DGCR2: variants seen among roughly 807,000 people sequenced by gnomAD.
The protein encoded by DGCR2 is DiGeorge syndrome critical region gene 2, also known as integral membrane protein DGCR2/IDD.
Under a neutral mutation model 51.6 loss-of-function variants are expected in DGCR2, and 24 were observed. That is an observed-to-expected ratio of 0.47 (90% confidence interval 0.34 to 0.65). DGCR2 has a LOEUF of 0.65. Ranked by LOEUF, DGCR2 falls within the 30% of genes least tolerant of loss-of-function variation. DGCR2 has a pLI of 0.01. For missense variants in DGCR2, 765 were observed against 772.1 expected (o/e 0.99, Z 0.11); for synonymous variants, 340 against 315.4 (o/e 1.08, Z -0.82).
intron 5 of DGCR2, among the ~76,000 whole-genome samples, chr22:19,062,779 A>ACTCCCTCTCTCTCTCTCTCTCTCTCTCT (rs2082688729): frequency 7.9e-6 from 1 of 127,354 alleles, no homozygotes. Flanking sequence ...ATGCATGCTC[A>ACTCCCTCTCTCTCTCTCTCTCTCTCTCT]CTCTCTCTCT....
chr22:19,111,192 G>A (rs897326612), intron 1 of DGCR2, among the ~76,000 whole-genome samples: 6 of 152,216 alleles, frequency 3.9e-5, no homozygotes, highest in Non-Finnish European at 7.3e-5. Context: ...CAATCACTGT[G>A]TGGTGAGATC....
chr22:19,090,879 T>A (rs112289709), intron 1 of DGCR2, among the ~76,000 whole-genome samples: 2,932 of 152,080 alleles, frequency 0.019, 85 homozygotes, highest in African/African-American at 0.067. Flanking sequence ...TAATTAAACT[T>A]GCCTAATCAA....
intron 1 of DGCR2, among the ~76,000 whole-genome samples, chr22:19,097,350 T>TC (rs2083153344): frequency 1.3e-5 from 2 of 151,966 alleles, no homozygotes; most frequent in Admixed American, 6.6e-5. Flanking sequence ...GGTCAGGAGT[T>TC]CAAGACCAGC....
chr22:19,065,315 T>C (rs2082736362), intron 3 of DGCR2: 10 of 512,732 alleles, frequency 2.0e-5, no homozygotes, highest in Non-Finnish European at 3.2e-5. Flanking sequence ...TTTTAATTTA[T>C]TCACTAGTCA....
chr22:19,079,172 C>A (rs1160102195), intron 2 of DGCR2, among the ~76,000 whole-genome samples: 1 of 152,090 alleles, frequency 6.6e-6, no homozygotes, highest in Non-Finnish European at 1.5e-5. Flanking sequence ...CTTGAACTCC[C>A]AAAGCACTGA....
intron 2 of DGCR2, among the ~76,000 whole-genome samples, chr22:19,083,930 C>T (rs1473261253): frequency 1.3e-5 from 2 of 152,180 alleles, no homozygotes; most frequent in Admixed American, 1.3e-4. Flanking sequence ...CTGTGTTGGC[C>T]GGGCTAGTCT....
At chr22:19,108,770 C>T (rs2083285430) in intron 1 of DGCR2, among the ~76,000 whole-genome samples, 1 of 151,532 alleles carries the variant, frequency 6.6e-6, no homozygotes, top group Admixed American at 6.6e-5. Context: ...GAAAATGAAC[C>T]TCACACTTTG....
At position 19,084,489 on chromosome 22, in the gene DGCR2, G is replaced by A. The variant is rs1177421154; in HGVS notation, c.202+4879C>T. ...TGAGGGGCCCCTTTGCCCGGGAGCC[G>A]CCCCGTCTGAGAAGTGAGGAGCCCC... On this transcript the variant is annotated intron_variant, in intron 2 of 9. Transcript: ENST00000263196. 1.0e-4 allele frequency among the ~76,000 whole-genome samples: 14 copies of A among 140,322 alleles called. No individual in the cohort carries two copies. In the South Asian group the frequency reaches 2.5e-3, roughly 25 times the overall value. The allele number at this position is 140,322 out of a possible 152,430, so 92.1% of individuals were successfully genotyped here.
chr22:19,084,329 G>A (rs929034269), intron 2 of DGCR2, among the ~76,000 whole-genome samples: 34 of 150,946 alleles, frequency 2.3e-4, no homozygotes, highest in Non-Finnish European at 1.6e-4. Flanking sequence ...CCTCTGCCCC[G>A]CCGCCCCGTC....
intron 1 of DGCR2, among the ~76,000 whole-genome samples, chr22:19,095,375 A>C (rs2083127237): frequency 6.6e-6 from 1 of 151,868 alleles, no homozygotes; most frequent in Non-Finnish European, 1.5e-5. Flanking sequence ...AAAAACAAAA[A>C]ACTTGGCCAG....
intron 6 of DGCR2, among the ~76,000 whole-genome samples, chr22:19,052,067 G>A (rs2082554048): frequency 6.6e-6 from 1 of 152,164 alleles, no homozygotes; most frequent in South Asian, 2.1e-4. Context: ...AACTAAACCT[G>A]CAACTACGAT....
Position 19,062,779 on chromosome 22 carries a change from A to ATTCATTCTCTCTCTCTCT in DGCR2, c.625+422_625+423insAGAGAGAGAGAGAATGAA. On this transcript the variant is annotated intron_variant, in intron 5 of 9. Transcript: ENST00000263196. Reference sequence around the variant, plus strand: ...TGCGCACACACACACATGCATGCTCACTCTCTCTCTCTCTCTCTCTCTCTC... The same window carrying ATTCATTCTCTCTCTCTCT: ...TGCGCACACACACACATGCATGCTCATTCATTCTCTCTCTCTCTCTCTCTCTCTCTCTCTCTCTCTCTC... Among the ~76,000 whole-genome samples, 56 of 127,454 alleles carry ATTCATTCTCTCTCTCTCT rather than the reference A, an allele frequency of 4.4e-4. 1 individual carries two copies. Among genetic ancestry groups the ATTCATTCTCTCTCTCTCT allele is most frequent in the Non-Finnish European group, 7.2e-4 (40 of 55,406 alleles). 83.6% of individuals were successfully genotyped at this position (127,454 alleles called of 152,430 possible).
intron 2 of DGCR2, among the ~76,000 whole-genome samples, chr22:19,075,811 T>C (rs376480599): frequency 6.6e-6 from 1 of 152,248 alleles, no homozygotes; most frequent in African/African-American, 2.4e-5. Flanking sequence ...GACTACCTTG[T>C]TGTTGATCCA....
chr22:19,112,753 C>T lies in DGCR2; in HGVS notation c.79+9375G>A, dbSNP rs2083330419. Reference sequence around the variant, plus strand: ...GCCCTGCCTCAACACAGTTTTGAACCTAACTGTGTAACAATCACATGGAAG... The same window carrying T: ...GCCCTGCCTCAACACAGTTTTGAACTTAACTGTGTAACAATCACATGGAAG... On this transcript the variant is annotated intron_variant, in intron 1 of 9. Transcript: ENST00000263196. 1.4e-5 allele frequency among the ~76,000 whole-genome samples: 2 copies of T among 144,284 alleles called. 1 individual carries two copies. Among genetic ancestry groups the T allele is most frequent in the Non-Finnish European group, 3.1e-5 (2 of 64,914 alleles). 94.7% of individuals were successfully genotyped at this position (144,284 alleles called of 152,430 possible).
intron 1 of DGCR2, among the ~76,000 whole-genome samples, chr22:19,112,277 A>T (rs1383003866): frequency 6.9e-6 from 1 of 144,308 alleles, no homozygotes; most frequent in African/African-American, 2.7e-5. Context: ...CATCTTTTAA[A>T]AAAAAAAAAA....
intron 6 of DGCR2, among the ~76,000 whole-genome samples, chr22:19,052,068 C>A (rs755306040): frequency 6.6e-6 from 1 of 152,158 alleles, no homozygotes; most frequent in South Asian, 2.1e-4. Flanking sequence ...ACTAAACCTG[C>A]AACTACGATA....
At chr22:19,039,150 G>T in intron 9 of DGCR2, 29 bp from the exon 10 acceptor site, 1 of 1,610,806 alleles carries the variant, frequency 6.2e-7, no homozygotes, top group South Asian at 1.1e-5. Flanking sequence ...GGGTGTCAGA[G>T]GCAGGTACGG....
chr22:19,066,023 A>G (rs1039280789), intron 3 of DGCR2: 5 of 152,286 alleles, frequency 3.3e-5, no homozygotes, highest in African/African-American at 4.8e-5. Context: ...CCTAGCCCCT[A>G]AGCATGGCCA....
Position 19,116,585 on chromosome 22 carries a change from C to T in DGCR2, c.79+5543G>A, listed in dbSNP as rs184081417. Among the ~76,000 whole-genome samples, 38 of 152,270 alleles carry T rather than the reference C, an allele frequency of 2.5e-4. 1 individual carries two copies. The highest frequency in any genetic ancestry group is 4.9e-4 in the Non-Finnish European group (33 of 68,010). On this transcript the variant is annotated intron_variant, in intron 1 of 9. Coordinates refer to ENST00000263196, the MANE Select transcript of DGCR2 (RefSeq NM_005137.3). ...AGTGAAAGAAAGGAAAGAGGACGGT[C>T]ATCAAAACCTCAGCACCCAAACATA...
Sources: gnomAD v4.1 joint callset for allele counts (sites outside exome capture counted in the v4.1 genomes callset) on GRCh38, gnomAD v4.1.1 for gene constraint, MANE v1.5 for transcripts, NCBI Gene and HGNC (gene_info 2026-07-23, HGNC 2026-07-21) for gene names.